The following RNF157 variants were observed in gnomAD, a reference collection of about 807,000 sequenced individuals.
The protein encoded by RNF157 is E3 ubiquitin ligase RNF157.
RNF157 carries 55 observed loss-of-function variants against 88.3 expected under a neutral mutation model. The ratio of observed to expected loss-of-function variants is 0.62; its 90% CI spans 0.50 to 0.78. The LOEUF (loss-of-function observed/expected upper bound fraction) is 0.78, where lower values mean the gene tolerates loss of function less well. Among genes scored for constraint, RNF157 ranks in the 30% least tolerant of loss-of-function variants. The probability of loss-of-function intolerance (pLI) is 0.00; values close to 1 mark genes in which losing one functional copy is unlikely to be tolerated. For synonymous variants in RNF157, 334 were observed against 341.2 expected, an observed-to-expected ratio of 0.98 and a Z score of 0.23; for missense variants, 788 against 860.8, an observed-to-expected ratio of 0.92 and a Z score of 1.06.
chr17:76,164,550 A>G (rs1037817120), intron 8 of RNF157, 198 bp downstream of exon 8: 18 of 407,256 alleles, frequency 4.4e-5, no homozygotes, highest in African/African-American at 3.5e-4. Flanking sequence ...AGGCCACCCA[A>G]GTCGTTTGTA....
chr17:76,164,696 A>C (rs770142462), intron 8 of RNF157, 52 bp downstream of exon 8: 9 of 1,123,134 alleles, frequency 8.0e-6, no homozygotes, highest in Non-Finnish European at 1.2e-5. Flanking sequence ...AGGAAAGAAT[A>C]AAAGGAAGGA....
chr17:76,182,793 G>GAT (rs1188826174), intron 2 of RNF157, among the ~76,000 whole-genome samples: 2 of 103,212 alleles, frequency 1.9e-5, no homozygotes, highest in Non-Finnish European at 3.6e-5. Flanking sequence ...ATATATGAGA[G>GAT]ATATATATAT....
At chr17:76,234,225 T>C (rs1394553107) in intron 1 of RNF157, among the ~76,000 whole-genome samples, 1 of 152,238 alleles carries the variant, frequency 6.6e-6, no homozygotes, top group Non-Finnish European at 1.5e-5. Flanking sequence ...TTCCTTTTTA[T>C]TGCCAAATAA....
chr17:76,202,287 A>C (rs1314516711), intron 2 of RNF157, among the ~76,000 whole-genome samples: 1 of 152,158 alleles, frequency 6.6e-6, no homozygotes, highest in Non-Finnish European at 1.5e-5. Flanking sequence ...AGGCACAAAT[A>C]AATCTCCAAA....
intron 1 of RNF157, among the ~76,000 whole-genome samples, chr17:76,227,041 G>A (rs530848799): frequency 9.1e-4 from 138 of 152,250 alleles, no homozygotes; most frequent in Non-Finnish European, 1.6e-3. Context: ...GAGGGAAGGC[G>A]TGCACGTGCG....
intron 1 of RNF157, among the ~76,000 whole-genome samples, chr17:76,236,954 G>A (rs1451132022): frequency 6.6e-6 from 1 of 152,248 alleles, no homozygotes; most frequent in African/African-American, 2.4e-5. Flanking sequence ...GTGGTTACAT[G>A]GGATGGGAGG....
intron 18 of RNF157, among the ~76,000 whole-genome samples, chr17:76,151,124 C>G (rs1385732712): frequency 6.6e-6 from 1 of 152,232 alleles, no homozygotes; most frequent in Non-Finnish European, 1.5e-5. Flanking sequence ...GGTCAACGCT[C>G]CCTCCTCCAC....
chr17:76,183,015 C>T (rs1034046686), intron 2 of RNF157, among the ~76,000 whole-genome samples: 3 of 151,756 alleles, frequency 2.0e-5, no homozygotes, highest in Admixed American at 6.6e-5. Flanking sequence ...CTGCAACCTC[C>T]GCCTCCCGGG....
intron 1 of RNF157, among the ~76,000 whole-genome samples, chr17:76,215,554 A>G (rs1470996922): frequency 6.6e-6 from 1 of 151,486 alleles, no homozygotes; most frequent in African/African-American, 2.4e-5. Flanking sequence ...AAAAAAAAAA[A>G]AATGAGATTC....
intron 1 of RNF157, among the ~76,000 whole-genome samples, chr17:76,220,555 T>C (rs1039203298): frequency 6.6e-6 from 1 of 152,098 alleles, no homozygotes; most frequent in South Asian, 2.1e-4. Context: ...CCGGGTACCA[T>C]GGCTCACACC....
At chr17:76,233,045 T>C (rs1474018821) in intron 1 of RNF157, among the ~76,000 whole-genome samples, 2 of 152,072 alleles carry the variant, frequency 1.3e-5, no homozygotes, top group African/African-American at 2.4e-5. Flanking sequence ...CTCAGCCTCC[T>C]GAGTAGCTGT....
chr17:76,239,899 T>C (rs2070348299), intron 1 of RNF157, among the ~76,000 whole-genome samples: 1 of 152,130 alleles, frequency 6.6e-6, no homozygotes, highest in South Asian at 2.1e-4. Flanking sequence ...TGGAGGCCGC[T>C]CCCGTCCTCC....
chr17:76,161,086 A>C lies in RNF157; in HGVS notation c.1065+449T>G, dbSNP rs945073434. Among the ~76,000 whole-genome samples the C allele has an allele frequency of 2.0e-5, 3 of 152,236 alleles. No homozygotes were observed. Among genetic ancestry groups the C allele is most frequent in the Non-Finnish European group, 2.9e-5 (2 of 68,034 alleles). On this transcript the variant is annotated intron_variant, in intron 11 of 18. Transcript: ENST00000269391. The surrounding 1 kb of genome is among the most constrained non-coding windows in gnomAD (Gnocchi z 4.6). ...CTGCAAAGCTTTGAGGTTTCACCCT[A>C]ATATCAGCACTTACACTAGGAAACT...
rs185840219 is a variant in RNF157, at chr17:76,213,227, T to C, written c.89-745A>G. Among the ~76,000 whole-genome samples the C allele has an allele frequency of 5.2e-4, 79 of 152,226 alleles. 1 individual carries two copies. In the East Asian group the frequency reaches 0.012, roughly 23 times the overall value. ...ATACATACACTGTGATATTGTAAAA[T>C]ATATGTTTGATCTTCAACCCTATTT... On this transcript the variant is annotated intron_variant, in intron 1 of 18. Transcript: ENST00000269391.
rs1438116188 is a variant in RNF157 at position 76,166,461 on chromosome 17, C to T, written c.628G>A (p.Glu210Lys). Residue 210 changes from glutamate to lysine, a missense_variant and splice_region_variant, in exon 6 of 19, where the codon GAG (glutamate) becomes AAG (lysine). Physicochemically the swap from Glu to Lys is moderately conservative, Grantham distance 56. Transcript: ENST00000269391. The stretch of plus-strand genomic sequence containing the variant: ...CAAAGAGGACAGAAATCGCCCCTAC[C>T]GTCTCCTTCATCCACCACGGCATGT... ...VVHAVVDEGD[E>K]YFGHCHVLLG... is the part of the protein sequence containing the mutation. 10 of 1,613,562 alleles carry T rather than the reference C, an allele frequency of 6.2e-6. No homozygotes were observed. The highest frequency in any genetic ancestry group is 3.3e-5 in the Admixed American group (2 of 60,006).
chr17:76,175,354 C>G (rs1228284583), intron 2 of RNF157, among the ~76,000 whole-genome samples: 2 of 152,070 alleles, frequency 1.3e-5, no homozygotes, highest in African/African-American at 4.8e-5. Flanking sequence ...GGACAAATTC[C>G]TAGAAGTGGA....
intron 8 of RNF157, 159 bp downstream of exon 8, chr17:76,164,589 T>A (rs2144846528): frequency 9.2e-4 from 363 of 395,064 alleles, no homozygotes; most frequent in Non-Finnish European, 1.1e-3. Context: ...AAGCACTCCC[T>A]TTTTTTCTTT....
rs2068798986 is a variant in RNF157 at position 76,158,428 on chromosome 17, G to C, written c.1378C>G (p.Leu460Val). The change falls in exon 13 of 19, where the codon CTC becomes GTC. Residue 460 changes from leucine to valine, a missense_variant. By Grantham distance (32) the Leu-to-Val change is conservative (BLOSUM62 1). Transcript: ENST00000269391. ...TGCTGAACCGACGGTCTCTGAGAGA[G>C]CTGTGTCTCCGACTCGCTGCAGGAA... ...EHSCSESETQ[L>V]SQRPSVQHLG... The C allele has an allele frequency of 1.2e-6, 2 of 1,613,740 alleles. No homozygotes were observed. The highest frequency in any genetic ancestry group is 1.7e-6 in the Non-Finnish European group (2 of 1,179,770).
intron 18 of RNF157, among the ~76,000 whole-genome samples, chr17:76,148,436 T>C (rs2068620843): frequency 6.6e-6 from 1 of 151,252 alleles, no homozygotes; most frequent in South Asian, 2.1e-4. Context: ...CTGGCTAATT[T>C]TTTTGTATTT....
Sources: allele counts gnomAD v4.1 joint callset (sites outside exome capture counted in the v4.1 genomes callset), GRCh38; gene constraint gnomAD v4.1.1; non-coding constraint Gnocchi (gnomAD v3.1); transcripts MANE v1.5; gene names NCBI Gene and HGNC (gene_info 2026-07-23, HGNC 2026-07-21).